Variants in PIGN observed in about 807,000 individuals in gnomAD.
PIGN encodes the protein phosphatidylinositol glycan anchor biosynthesis class N.
PIGN carries 117 observed loss-of-function variants against 125.4 expected under a neutral mutation model. The observed-to-expected ratio is 0.93, with a 90% CI of 0.80 to 1.09. The LOEUF (loss-of-function observed/expected upper bound fraction) is 1.09. Ranked by LOEUF, PIGN falls within the 50% of genes least tolerant of loss-of-function variation. The pLI, the probability that PIGN is intolerant of heterozygous loss-of-function variation, is 0.00. For missense variants in PIGN, 1,075 were observed against 1,094.9 expected (o/e 0.98, Z 0.26); for synonymous variants, 392 against 377.8 (o/e 1.04, Z -0.44).
At chr18:62,091,482 A>C (rs1211762100) in intron 23 of PIGN, among the ~76,000 whole-genome samples, 1 of 152,240 alleles carries the variant, frequency 6.6e-6, no homozygotes, top group East Asian at 1.9e-4. Context: ...ATAATGCAAT[A>C]AGGCCATTTC....
chr18:62,050,979 T>C (rs370416099), intron 30 of PIGN, among the ~76,000 whole-genome samples: 1 of 151,438 alleles, frequency 6.6e-6, no homozygotes, highest in Non-Finnish European at 1.5e-5. Flanking sequence ...TTGTCTTTGG[T>C]TATGTTTATA....
At chr18:62,075,523 A>G (rs1345003669) in intron 28 of PIGN, 11 of 152,168 alleles carry the variant, frequency 7.2e-5, no homozygotes, top group Non-Finnish European at 1.6e-4. Context: ...TCAATGGGTC[A>G]TTTACTTTTA....
At chr18:62,141,601 T>C (rs760355467) in intron 11 of PIGN, among the ~76,000 whole-genome samples, 1 of 152,202 alleles carries the variant, frequency 6.6e-6, no homozygotes, top group Non-Finnish European at 1.5e-5. Flanking sequence ...AAACTGGAAA[T>C]CTCCAAAGTC....
At chr18:62,087,929 G>A (rs62095301) in intron 25 of PIGN, among the ~76,000 whole-genome samples, 25,745 of 152,164 alleles carry the variant, frequency 0.17, 2,940 homozygotes, top group Middle Eastern at 0.28. Flanking sequence ...ATAAGGTCTG[G>A]AGATTAAATG....
intron 14 of PIGN, 153 bp downstream of exon 14, chr18:62,138,090 C>G: frequency 9.4e-7 from 1 of 1,060,162 alleles, no homozygotes; most frequent in Non-Finnish European, 1.3e-6. Context: ...TATTTAACAA[C>G]AGCAATAGAA....
intron 28 of PIGN, among the ~76,000 whole-genome samples, chr18:62,081,810 G>A (rs2033461801): frequency 6.6e-6 from 1 of 151,994 alleles, no homozygotes; most frequent in Admixed American, 6.6e-5. Flanking sequence ...TAAATATCCT[G>A]CAAAAATATA....
At chr18:62,119,743 T>C (rs767947925) in intron 14 of PIGN, among the ~76,000 whole-genome samples, 1 of 150,668 alleles carries the variant, frequency 6.6e-6, no homozygotes, top group Admixed American at 6.6e-5. Flanking sequence ...ACTCAGGAGG[T>C]TGAGGCAGGA....
In PIGN at chr18:62,073,167, A is replaced by AGG. The variant is rs1555676731; in HGVS notation, c.2620-444_2620-443dup. Among the ~76,000 whole-genome samples, 59 of 96,134 alleles carry AGG rather than the reference A, an allele frequency of 6.1e-4. No homozygotes were observed. In the East Asian group the frequency reaches 7.7e-3, roughly 13 times the overall value. 63.1% of individuals were successfully genotyped at this position (96,134 alleles called of 152,430 possible). ...TAGTAAATAATTCCATCAAATTATC[A>AGG]GGGGTGTGTGTGTGTGTGTGTGTGT... On this transcript the variant is annotated intron_variant, in intron 29 of 30. Transcript: ENST00000640252.
chr18:62,087,009 T>G (rs2033737707), intron 25 of PIGN, among the ~76,000 whole-genome samples: 1 of 152,114 alleles, frequency 6.6e-6, no homozygotes, highest in Non-Finnish European at 1.5e-5. Context: ...TTGGGACACA[T>G]ATTTGGTGAT....
In PIGN at chr18:62,095,912, G is replaced by A; in HGVS notation, c.2116C>T (p.Leu706Phe). Residue 706 changes from leucine to phenylalanine, a missense_variant, in exon 23 of 31, where the codon CTC becomes TTC. Transcript: ENST00000640252. ...AGTATGCTGAACAATCGCTGAAAGA[G>A]AACTGGAGAACTCAGTAGTGGCACA... ...LVVPLLSSPV[L>F]FQRLFSILLS... 2 of 1,612,944 alleles carry A rather than the reference G, an allele frequency of 1.2e-6. No individual in the cohort carries two copies. The highest frequency in any genetic ancestry group is 2.2e-5 in the East Asian group (1 of 44,822).
chr18:62,107,126 T>C, intron 17 of PIGN, 41 bp from the exon 18 acceptor site: 1 of 1,207,676 alleles, frequency 8.3e-7, no homozygotes, highest in Non-Finnish European at 1.2e-6. Context: ...TAAAGTTAGG[T>C]CATACATAGT....
At chr18:62,165,624 G>C (rs1326557194) in intron 1 of PIGN, among the ~76,000 whole-genome samples, 1 of 152,182 alleles carries the variant, frequency 6.6e-6, no homozygotes, top group Non-Finnish European at 1.5e-5. Flanking sequence ...TGAAACTCAA[G>C]AGAGGATATC....
At chr18:62,106,585 A>G (rs983274321) in intron 19 of PIGN, among the ~76,000 whole-genome samples, 12 of 152,222 alleles carry the variant, frequency 7.9e-5, no homozygotes, top group Non-Finnish European at 1.3e-4. Flanking sequence ...CAATTACCAC[A>G]TAACTGGCCC....
chr18:62,162,611 C>T (rs1031945958), intron 2 of PIGN: 5 of 152,104 alleles, frequency 3.3e-5, no homozygotes, highest in African/African-American at 1.2e-4. Context: ...TTACAAGCCA[C>T]TTATTTTCTG....
At chr18:62,080,137 GT>G (rs1261039634) in intron 28 of PIGN, among the ~76,000 whole-genome samples, 1 of 152,074 alleles carries the variant, frequency 6.6e-6, no homozygotes, top group Non-Finnish European at 1.5e-5. Context: ...CTATTTCCAA[GT>G]TTTTGTGTTT....
chr18:62,091,565 G>C (rs2033961514), intron 23 of PIGN, among the ~76,000 whole-genome samples: 1 of 152,136 alleles, frequency 6.6e-6, no homozygotes, highest in Non-Finnish European at 1.5e-5. Flanking sequence ...TTGTAATATT[G>C]TTTACAGAAG....
chr18:62,032,667 TAA>T (rs746366163), intron 23 of PIGN, among the ~76,000 whole-genome samples: 2 of 152,230 alleles, frequency 1.3e-5, no homozygotes, highest in African/African-American at 4.8e-5. Flanking sequence ...AAATTTTTTT[TAA>T]AAGTCTCATT....
downstream of PIGN, among the ~76,000 whole-genome samples, chr18:62,039,502 CTCA>C (rs1228091722): frequency 1.4e-5 from 2 of 143,898 alleles, no homozygotes; most frequent in Non-Finnish European, 3.1e-5. Context: ...GGTGCCGCAT[CTCA>C]TGTTTAGGGC....
chr18:62,155,882 T>G (rs989961743), intron 6 of PIGN, among the ~76,000 whole-genome samples: 17 of 152,214 alleles, frequency 1.1e-4, no homozygotes, highest in Non-Finnish European at 2.4e-4. Context: ...AGGCAATATA[T>G]AAATGGCAAA....
Sources: allele counts gnomAD v4.1 joint callset (sites outside exome capture counted in the v4.1 genomes callset), GRCh38; gene constraint gnomAD v4.1.1; transcripts MANE v1.5; gene names NCBI Gene and HGNC (gene_info 2026-07-23, HGNC 2026-07-21).